Variants in BMP6 observed in about 807,000 individuals in gnomAD.
BMP6 encodes bone morphogenetic protein 6, also known as VG-1-R.
Under a neutral mutation model 54.1 loss-of-function variants are expected in BMP6, and 17 were observed. That is an observed-to-expected ratio of 0.31 (90% CI 0.22 to 0.47). The LOEUF (loss-of-function observed/expected upper bound fraction) is 0.47, where lower values mean the gene tolerates loss of function less well. BMP6 is among the 20% of genes least tolerant of loss of function. BMP6 has a pLI of 1.00. For synonymous variants in BMP6, 328 were observed against 291.2 expected, an observed-to-expected ratio of 1.13 and a Z score of -1.28; for missense variants, 720 against 690.4, an observed-to-expected ratio of 1.04 and a Z score of -0.48.
chr6:7,728,382 C>T (rs576907323), intron 1 of BMP6, among the ~76,000 whole-genome samples: 2 of 152,292 alleles, frequency 1.3e-5, no homozygotes, highest in South Asian at 4.1e-4. Context: ...GGGTAGGGGC[C>T]GGGGTTGGGC....
intron 1 of BMP6, among the ~76,000 whole-genome samples, chr6:7,771,599 C>T (rs1402995440): frequency 3.9e-5 from 6 of 152,154 alleles, no homozygotes; most frequent in Non-Finnish European, 8.8e-5. Context: ...GGCATATTGA[C>T]CCCACAGCCT....
At chr6:7,866,470 T>G (rs1759426339) in intron 4 of BMP6, among the ~76,000 whole-genome samples, 1 of 152,252 alleles carries the variant, frequency 6.6e-6, no homozygotes, top group Non-Finnish European at 1.5e-5. Context: ...TCTGGGGGAC[T>G]GTGATACCAC....
intron 1 of BMP6, among the ~76,000 whole-genome samples, chr6:7,813,458 C>CCA (rs750081773): frequency 1.6e-5 from 1 of 64,362 alleles, no homozygotes; most frequent in African/African-American, 6.4e-5. Context: ...CCTGTCTCTA[C>CCA]AAAAAAAAAA....
intron 1 of BMP6, among the ~76,000 whole-genome samples, chr6:7,733,563 C>T (rs949540304): frequency 1.3e-5 from 2 of 152,308 alleles, no homozygotes; most frequent in African/African-American, 4.8e-5. Flanking sequence ...CTGGGCTGCT[C>T]CAGCCGCAGG....
chr6:7,854,156 G>A (rs1469139193), intron 2 of BMP6, among the ~76,000 whole-genome samples: 1 of 152,128 alleles, frequency 6.6e-6, no homozygotes, highest in Non-Finnish European at 1.5e-5. Context: ...AAGAAAATAG[G>A]TTTTTATTTC....
At chr6:7,847,029 A>T (rs1421426288) in intron 2 of BMP6, among the ~76,000 whole-genome samples, 3 of 152,182 alleles carry the variant, frequency 2.0e-5, no homozygotes, top group African/African-American at 7.2e-5. Context: ...TATTTGTTTT[A>T]AAAAAGAGAG....
At chr6:7,744,707 C>T (rs918880073) in intron 1 of BMP6, among the ~76,000 whole-genome samples, 30 of 152,226 alleles carry the variant, frequency 2.0e-4, no homozygotes, top group African/African-American at 7.0e-4. Context: ...TGTTATCTGC[C>T]CTGAGCATGG....
intron 1 of BMP6, among the ~76,000 whole-genome samples, chr6:7,833,745 AT>A (rs1481066367): frequency 1.3e-5 from 2 of 152,218 alleles, no homozygotes; most frequent in Admixed American, 1.3e-4. Flanking sequence ...GTGCATGAAA[AT>A]GCTTTGTAAA....
chr6:7,803,706 G>A (rs1430523424), intron 1 of BMP6, among the ~76,000 whole-genome samples: 2 of 151,952 alleles, frequency 1.3e-5, no homozygotes, highest in Non-Finnish European at 1.5e-5. Flanking sequence ...TGTAACTTAT[G>A]AATACCGCTA....
chr6:7,759,157 T>C (rs1757568929), intron 1 of BMP6, among the ~76,000 whole-genome samples: 1 of 152,210 alleles, frequency 6.6e-6, no homozygotes, highest in Non-Finnish European at 1.5e-5. Context: ...CAGGAGATGA[T>C]TCTTGAAGTT....
At position 7,862,514 on chromosome 6, in the gene BMP6, G is replaced by C. The variant is rs753449922; in HGVS notation, c.1204+16G>C. On this transcript the variant is annotated intron_variant, in intron 4 of 6. Transcript: ENST00000283147. Reference sequence around the variant, plus strand: ...AGTGCTTCAGGTGGGTTTGTGGGGAGCCTGTGTTTCCAGAAAGCCTTGTTG... The same window carrying C: ...AGTGCTTCAGGTGGGTTTGTGGGGACCCTGTGTTTCCAGAAAGCCTTGTTG... 2 of 1,613,096 alleles carry C rather than the reference G, an allele frequency of 1.2e-6. No homozygotes were observed. Among genetic ancestry groups the C allele is most frequent in the Non-Finnish European group, 1.7e-6 (2 of 1,179,650 alleles).
chr6:7,841,079 C>G (rs73719342), intron 1 of BMP6, among the ~76,000 whole-genome samples: 1 of 152,056 alleles, frequency 6.6e-6, no homozygotes. Context: ...GTATTGACTC[C>G]GTGGCTTTGG....
Position 7,813,655 on chromosome 6 carries a change from A to C in BMP6, c.665-31485A>C, listed in dbSNP as rs1376099483. Among the ~76,000 whole-genome samples the C allele has an allele frequency of 1.0e-4, 15 of 143,354 alleles. 2 individuals carry two copies. The East Asian group carries it at 1.4e-3, about 14-fold the overall frequency. The allele number at this position is 143,354 out of a possible 152,430, so 94.0% of individuals were successfully genotyped here. A position where few individuals can be genotyped will look rare whatever the true frequency, so the allele number is the denominator to read the frequency against. On this transcript the variant is annotated intron_variant, in intron 1 of 6. Transcript: ENST00000283147. ...GTGACCCTGTCTCAAAAAAAAAAAA[A>C]AAAAAAAAAAAAAACCCACCAAACC... is the stretch of plus-strand genomic sequence containing the variant.
Position 7,861,616 on chromosome 6 carries a change from A to G in BMP6, c.1006+17A>G. 1 of 1,613,524 alleles carries G rather than the reference A, an allele frequency of 6.2e-7. No individual in the cohort carries two copies. Among genetic ancestry groups the G allele is most frequent in the Non-Finnish European group, 8.5e-7 (1 of 1,179,578 alleles). On this transcript the variant is annotated intron_variant, in intron 3 of 6. Transcript: ENST00000283147. ...CAAGGGATGGTAAGTTATTATCCGC[A>G]AGCCTCCAACGTCCAGCAAGTCATC...
intron 1 of BMP6, among the ~76,000 whole-genome samples, chr6:7,813,924 G>A (rs1017734462): frequency 2.6e-5 from 4 of 152,170 alleles, no homozygotes; most frequent in Non-Finnish European, 4.4e-5. Flanking sequence ...CTGGTGGCCA[G>A]CTTGGGGACA....
At chr6:7,836,548 A>G (rs751419389) in intron 1 of BMP6, among the ~76,000 whole-genome samples, 1 of 152,156 alleles carries the variant, frequency 6.6e-6, no homozygotes, top group Non-Finnish European at 1.5e-5. Context: ...GTTATGTAAA[A>G]TGTTACTATG....
chr6:7,818,833 A>G (rs1758566503), intron 1 of BMP6, among the ~76,000 whole-genome samples: 1 of 152,230 alleles, frequency 6.6e-6, no homozygotes, highest in Non-Finnish European at 1.5e-5. Context: ...CGTTGATACT[A>G]TCAAGAGAAA....
intron 1 of BMP6, among the ~76,000 whole-genome samples, chr6:7,748,734 G>A (rs1354865062): frequency 6.6e-6 from 1 of 152,192 alleles, no homozygotes; most frequent in Non-Finnish European, 1.5e-5. Flanking sequence ...CATTGCCAGT[G>A]TCCAGATAAT....
intron 2 of BMP6, among the ~76,000 whole-genome samples, chr6:7,854,538 T>C (rs1228791272): frequency 1.3e-5 from 2 of 152,220 alleles, no homozygotes; most frequent in Non-Finnish European, 2.9e-5. Flanking sequence ...GGCTCACGCC[T>C]GTGATCCCAG....
Sources: allele counts gnomAD v4.1 joint callset (sites outside exome capture counted in the v4.1 genomes callset), GRCh38; gene constraint gnomAD v4.1.1; transcripts MANE v1.5; gene names NCBI Gene and HGNC (gene_info 2026-07-23, HGNC 2026-07-21).